The following TSGA10 variants were observed in gnomAD, a reference collection of about 807,000 sequenced individuals.
The protein encoded by TSGA10 is testis specific 10.
TSGA10 carries 43 observed loss-of-function variants against 96.6 expected under a neutral mutation model. That is an observed-to-expected ratio of 0.44 (90% CI 0.35 to 0.57). The LOEUF (loss-of-function observed/expected upper bound fraction) is 0.57. Ranked by LOEUF, TSGA10 falls within the 20% of genes least tolerant of loss-of-function variation. TSGA10 has a pLI of 0.01. For missense variants in TSGA10, 703 were observed against 834.4 expected (o/e 0.84, Z 1.94); for synonymous variants, 229 against 269.9 (o/e 0.85, Z 1.48).
chr2:99,017,264 T>C (rs774386912), intron 20 of TSGA10, among the ~76,000 whole-genome samples: 3 of 152,166 alleles, frequency 2.0e-5, no homozygotes, highest in African/African-American at 2.4e-5. Flanking sequence ...TAAATGCCCA[T>C]TGACCAACAA....
chr2:99,078,869 T>C, intron 11 of TSGA10, 56 bp from the exon 12 acceptor site: 1 of 1,447,830 alleles, frequency 6.9e-7, no homozygotes, highest in Non-Finnish European at 9.3e-7. Flanking sequence ...TTTTTTCTAT[T>C]TCAAGCAGAT....
At chr2:99,131,406 C>T (rs959435217) in intron 1 of TSGA10, among the ~76,000 whole-genome samples, 3 of 152,258 alleles carry the variant, frequency 2.0e-5, no homozygotes, top group Middle Eastern at 6.8e-3. Flanking sequence ...GGAGGTCACT[C>T]ATGATTTGGC....
At chr2:99,012,897 A>G (rs1558718944) in intron 20 of TSGA10, among the ~76,000 whole-genome samples, 3 of 152,212 alleles carry the variant, frequency 2.0e-5, no homozygotes, top group African/African-American at 7.2e-5. Context: ...CAGCACATGG[A>G]ACAATCTCCA....
chr2:99,068,314 C>T (rs2085503275), intron 15 of TSGA10, among the ~76,000 whole-genome samples: 1 of 152,116 alleles, frequency 6.6e-6, no homozygotes, highest in African/African-American at 2.4e-5. Context: ...GAACATCCTC[C>T]CTCAATTTTA....
chr2:99,046,803 CAACAA>C (rs2082821990), intron 16 of TSGA10, among the ~76,000 whole-genome samples: 1 of 151,730 alleles, frequency 6.6e-6, no homozygotes, highest in African/African-American at 2.4e-5. Flanking sequence ...TTGAAAAGAT[CAACAA>C]AACTGATAGA....
intron 16 of TSGA10, among the ~76,000 whole-genome samples, chr2:99,037,425 A>C (rs1333220910): frequency 6.6e-6 from 1 of 152,248 alleles, no homozygotes; most frequent in African/African-American, 2.4e-5. Flanking sequence ...TCACAAAAAA[A>C]ATTTAGAATA....
At chr2:99,141,168 C>A in intron 1 of TSGA10, 2 of 1,257,700 alleles carry the variant, frequency 1.6e-6, no homozygotes, top group Non-Finnish European at 2.1e-6. Flanking sequence ...TCGGCCTCAG[C>A]GGGGGATACA....
chr2:99,051,338 TATG>T (rs1268325152), intron 16 of TSGA10, among the ~76,000 whole-genome samples: 1 of 152,176 alleles, frequency 6.6e-6, no homozygotes, highest in Middle Eastern at 3.2e-3. Context: ...CTGAAGTGGT[TATG>T]ATAATATCAG....
At chr2:99,039,853 T>A (rs1358742135) in intron 16 of TSGA10, among the ~76,000 whole-genome samples, 1 of 152,178 alleles carries the variant, frequency 6.6e-6, no homozygotes, top group Non-Finnish European at 1.5e-5. Context: ...CTGATGAACA[T>A]AGCTGCAAAA....
chr2:99,093,972 T>A (rs564016414), intron 10 of TSGA10, among the ~76,000 whole-genome samples: 1 of 151,982 alleles, frequency 6.6e-6, no homozygotes, highest in Non-Finnish European at 1.5e-5. Flanking sequence ...AGAACAAACC[T>A]GGAGGCACTG....
chr2:99,114,299 T>C (rs2092064390), intron 4 of TSGA10, among the ~76,000 whole-genome samples: 1 of 152,224 alleles, frequency 6.6e-6, no homozygotes, highest in African/African-American at 2.4e-5. Context: ...GCATATCTAA[T>C]GTCTTAGGAT....
intron 2 of TSGA10, among the ~76,000 whole-genome samples, chr2:99,120,019 T>C (rs2092487498): frequency 6.6e-6 from 1 of 152,186 alleles, no homozygotes; most frequent in Non-Finnish European, 1.5e-5. Flanking sequence ...TCCTTTCCAG[T>C]ATGTGTGCCC....
intron 1 of TSGA10, chr2:99,140,990 C>T: frequency 3.0e-6 from 3 of 998,170 alleles, no homozygotes; most frequent in Non-Finnish European, 3.9e-6. Flanking sequence ...GGCCCCGCAC[C>T]CGCCACTCCT....
chr2:99,033,961 T>G (rs890399676), intron 17 of TSGA10, among the ~76,000 whole-genome samples: 1 of 152,126 alleles, frequency 6.6e-6, no homozygotes. Context: ...TTTCTCCCAG[T>G]TGGTGTATGA....
intron 1 of TSGA10, among the ~76,000 whole-genome samples, chr2:99,132,570 A>G (rs1429781000): frequency 1.3e-5 from 2 of 152,092 alleles, no homozygotes; most frequent in Non-Finnish European, 2.9e-5. Flanking sequence ...TCCTGGATTC[A>G]TTGATTTTTT....
At chr2:99,123,728 C>T (rs1320888933) in intron 2 of TSGA10, among the ~76,000 whole-genome samples, 2 of 152,162 alleles carry the variant, frequency 1.3e-5, no homozygotes, top group African/African-American at 4.8e-5. Flanking sequence ...GAGGTGGAAT[C>T]AAGCATTATT....
chr2:99,150,956 G>C (rs10201856), intron 1 of TSGA10: 8,421 of 643,434 alleles, frequency 0.013, 307 homozygotes, highest in African/African-American at 0.08. Context: ...GCCTTATTTT[G>C]CACTATTTGT....
At chr2:99,041,159 C>T (rs2082147676) in intron 16 of TSGA10, among the ~76,000 whole-genome samples, 1 of 152,214 alleles carries the variant, frequency 6.6e-6, no homozygotes, top group South Asian at 2.1e-4. Flanking sequence ...CCAGCTCCAG[C>T]CAATGGATGC....
chr2:99,035,186 T>C (rs1217742409), intron 17 of TSGA10, 44 bp downstream of exon 17: 2 of 1,415,796 alleles, frequency 1.4e-6, no homozygotes, highest in Non-Finnish European at 1.9e-6. Context: ...ATACTAACTT[T>C]ACAGTAATAG....
Sources: allele counts gnomAD v4.1 joint callset (sites outside exome capture counted in the v4.1 genomes callset), GRCh38; gene constraint gnomAD v4.1.1; transcripts MANE v1.5; gene names NCBI Gene and HGNC (gene_info 2026-07-23, HGNC 2026-07-21).